CDCP1: variants seen among roughly 807,000 people sequenced by gnomAD.
CDCP1 encodes the protein CUB domain-containing protein 1.
In CDCP1, 29 loss-of-function variants were observed where a neutral mutation model predicts 60.2. The ratio of observed to expected loss-of-function variants is 0.48; its 90% CI spans 0.36 to 0.66. The LOEUF is 0.66. Among genes scored for constraint, CDCP1 ranks in the 30% least tolerant of loss-of-function variants. CDCP1 has a pLI of 0.00. For missense variants in CDCP1, 876 were observed against 1,074.3 expected (o/e 0.82, Z 2.58); for synonymous variants, 387 against 431.1 (o/e 0.90, Z 1.27).
chr3:45,143,056 T>C (rs1699321409), intron 1 of CDCP1, among the ~76,000 whole-genome samples: 1 of 152,082 alleles, frequency 6.6e-6, no homozygotes, highest in South Asian at 2.1e-4. Context: ...TACAAAAAAT[T>C]AGCTGGGTGT....
chr3:45,085,959 G>T lies in CDCP1; in HGVS notation c.2190C>A (p.Asp730Glu). Reference sequence around the variant, plus strand: ...CCTCGATGACTGCATACACATGGGAGTCATTGTCCTTTCGCCCTTTCTGAA... The same window carrying T: ...CCTCGATGACTGCATACACATGGGATTCATTGTCCTTTCGCCCTTTCTGAA... ...KKFQKGRKDNDSHVYAVIEDT... is the reference protein window; with the variant it reads ...KKFQKGRKDNESHVYAVIEDT... The change falls in exon 9 of 9, where the codon GAC becomes GAA. Residue 730 changes from aspartate to glutamate, a missense_variant. Asp to Glu is a conservative substitution (Grantham distance 45). Coordinates refer to ENST00000296129, the MANE Select transcript of CDCP1 (RefSeq NM_022842.5). This position sits in a 1 kb window ranked among gnomAD's most constrained non-coding sequence, Gnocchi z 4.2. 6.2e-7 allele frequency: 1 copy of T among 1,614,226 alleles called. No individual in the cohort carries two copies.
At chr3:45,145,834 G>A (rs1409572844) in intron 1 of CDCP1, among the ~76,000 whole-genome samples, 1 of 152,144 alleles carries the variant, frequency 6.6e-6, no homozygotes, top group East Asian at 1.9e-4. Flanking sequence ...AAAGACCCTG[G>A]GGCGCACGGC....
At chr3:45,141,759 T>C (rs1049003828) in intron 1 of CDCP1, among the ~76,000 whole-genome samples, 8 of 152,130 alleles carry the variant, frequency 5.3e-5, no homozygotes, top group Non-Finnish European at 1.2e-4. Context: ...AATTACAAGG[T>C]TGTGGGAAGT....
chr3:45,097,690 C>CATA (rs1391205040), intron 4 of CDCP1, among the ~76,000 whole-genome samples: 2 of 152,132 alleles, frequency 1.3e-5, no homozygotes, highest in East Asian at 3.9e-4. Context: ...TAACAGGAAC[C>CATA]ATATAATTGA....
intron 5 of CDCP1, among the ~76,000 whole-genome samples, chr3:45,094,285 G>A (rs1416599669): frequency 3.9e-5 from 6 of 151,908 alleles, no homozygotes; most frequent in South Asian, 2.1e-4. Flanking sequence ...GAGTGAAGTG[G>A]TGCGATCTCG....
chr3:45,137,793 C>T (rs1402065494), intron 1 of CDCP1, among the ~76,000 whole-genome samples: 4 of 126,856 alleles, frequency 3.2e-5, no homozygotes, highest in Non-Finnish European at 5.0e-5. Context: ...GCACTCCAGC[C>T]TGGGCAACAG....
chr3:45,089,361 CCTAA>C (rs1698253608), intron 7 of CDCP1, among the ~76,000 whole-genome samples: 1 of 152,170 alleles, frequency 6.6e-6, no homozygotes, highest in Non-Finnish European at 1.5e-5. Flanking sequence ...CAGTTCTGGG[CCTAA>C]CTTTTAAGAG....
chr3:45,135,946 A>C (rs961093692), intron 1 of CDCP1, among the ~76,000 whole-genome samples: 8 of 152,238 alleles, frequency 5.3e-5, no homozygotes, highest in African/African-American at 1.9e-4. Context: ...TTTTCAAAAC[A>C]TACAAAAAGG....
chr3:45,100,934 C>T (rs1303393135), intron 4 of CDCP1, among the ~76,000 whole-genome samples: 1 of 152,214 alleles, frequency 6.6e-6, no homozygotes, highest in Non-Finnish European at 1.5e-5. Flanking sequence ...AATTATGCTG[C>T]AGCAACAAAT....
chr3:45,118,382 T>A, intron 2 of CDCP1, 30 bp downstream of exon 2: 1 of 1,520,376 alleles, frequency 6.6e-7, no homozygotes, highest in South Asian at 1.1e-5. Context: ...TTAAAAGACA[T>A]TGTCAAACAG....
At chr3:45,126,967 G>T (rs1243839795) in intron 1 of CDCP1, among the ~76,000 whole-genome samples, 1 of 152,170 alleles carries the variant, frequency 6.6e-6, no homozygotes, top group South Asian at 2.1e-4. Flanking sequence ...GGTGCCCGGG[G>T]CATGATAAAT....
Position 45,091,994 on chromosome 3 carries a change from C to T in CDCP1, c.1628-456G>A, listed in dbSNP as rs747424242. The stretch of plus-strand genomic sequence containing the variant: ...ATTTTTAGTAGAGATGGGGTTTCAC[C>T]GTGTTGGCCAGGCTGCTCTTGAACT... On this transcript the variant is annotated intron_variant, in intron 6 of 8. Transcript: ENST00000296129. The surrounding 1 kb of genome is among the most constrained non-coding windows in gnomAD (Gnocchi z 4.8). 9.9e-5 allele frequency among the ~76,000 whole-genome samples: 15 copies of T among 152,154 alleles called. No individual in the cohort carries two copies. Among genetic ancestry groups the T allele is most frequent in the Non-Finnish European group, 1.8e-4 (12 of 68,036 alleles).
chr3:45,141,275 C>T (rs1034826181), intron 1 of CDCP1, among the ~76,000 whole-genome samples: 2 of 152,070 alleles, frequency 1.3e-5, no homozygotes, highest in African/African-American at 2.4e-5. Context: ...AGGTGCCCTA[C>T]ATTACTGCAC....
At chr3:45,125,790 T>C (rs1451735717) in intron 1 of CDCP1, among the ~76,000 whole-genome samples, 1 of 152,210 alleles carries the variant, frequency 6.6e-6, no homozygotes, top group Non-Finnish European at 1.5e-5. Flanking sequence ...AGGAAGCAAG[T>C]ATGAGTGCCT....
intron 1 of CDCP1, among the ~76,000 whole-genome samples, chr3:45,131,961 T>C (rs987145404): frequency 2.0e-5 from 3 of 152,122 alleles, no homozygotes; most frequent in Admixed American, 6.5e-5. Context: ...AGGCTGGGTG[T>C]GGTGGCTCAT....
chr3:45,134,855 A>G (rs1699167032), intron 1 of CDCP1, among the ~76,000 whole-genome samples: 1 of 152,322 alleles, frequency 6.6e-6, no homozygotes, highest in African/African-American at 2.4e-5. Flanking sequence ...TATTATGTCA[A>G]TGAGGATGTC....
intron 1 of CDCP1, among the ~76,000 whole-genome samples, chr3:45,126,169 TCTTTC>T (rs1698991950): frequency 1.4e-5 from 2 of 143,484 alleles, no homozygotes; most frequent in Non-Finnish European, 3.0e-5. Flanking sequence ...TTTCTTTCTT[TCTTTC>T]CTTCTTTCTC....
intron 8 of CDCP1, among the ~76,000 whole-genome samples, chr3:45,087,933 A>T (rs1015393710): frequency 1.3e-5 from 2 of 151,902 alleles, no homozygotes; most frequent in African/African-American, 4.8e-5. Flanking sequence ...GAGGCAGGGG[A>T]ATCGCTTGAA....
intron 1 of CDCP1, among the ~76,000 whole-genome samples, chr3:45,143,797 G>A (rs564368719): frequency 5.9e-5 from 9 of 152,142 alleles, no homozygotes; most frequent in Admixed American, 1.3e-4. Flanking sequence ...AGGGCTAACA[G>A]GTCTGACTCC....
Sources: gnomAD v4.1 joint callset for allele counts (sites outside exome capture counted in the v4.1 genomes callset) on GRCh38, gnomAD v4.1.1 for gene constraint, Gnocchi (gnomAD v3.1) non-coding constraint, MANE v1.5 for transcripts, NCBI Gene and HGNC (gene_info 2026-07-23, HGNC 2026-07-21) for gene names.